SPAG16: variants seen among roughly 807,000 people sequenced by gnomAD.
The protein encoded by SPAG16 is sperm-associated antigen 16 protein.
SPAG16 carries 86 observed loss-of-function variants against 80.4 expected under a neutral mutation model. The ratio of observed to expected loss-of-function variants is 1.07; its 90% CI spans 0.90 to 1.28. The LOEUF is 1.28. SPAG16 is among the 50% of genes most tolerant of loss of function. SPAG16 has a pLI of 0.00. For missense variants in SPAG16, 870 were observed against 765.3 expected, an observed-to-expected ratio of 1.14 and a Z score of -1.61; for synonymous variants, 294 against 265.9, an observed-to-expected ratio of 1.11 and a Z score of -1.03.
chr2:213,932,174 A>T (rs1435371843), intron 12 of SPAG16, among the ~76,000 whole-genome samples: 22 of 23,076 alleles, frequency 9.5e-4, no homozygotes, highest in African/African-American at 1.5e-3. Flanking sequence ...ATATATATAT[A>T]TATATATATA....
intron 10 of SPAG16, among the ~76,000 whole-genome samples, chr2:213,827,230 C>G (rs2073358569): frequency 6.6e-6 from 1 of 151,646 alleles, no homozygotes; most frequent in South Asian, 2.1e-4. Context: ...TTTTTGTTGT[C>G]TAGTTGTTTC....
chr2:213,356,302 G>C (rs1226327038), intron 7 of SPAG16, among the ~76,000 whole-genome samples: 1 of 152,132 alleles, frequency 6.6e-6, no homozygotes, highest in Non-Finnish European at 1.5e-5. Context: ...CTATTGATTG[G>C]AATAGTTTCA....
At chr2:213,936,104 T>C (rs2078977456) in intron 12 of SPAG16, among the ~76,000 whole-genome samples, 1 of 152,062 alleles carries the variant, frequency 6.6e-6, no homozygotes, top group Non-Finnish European at 1.5e-5. Context: ...TTGGATAACC[T>C]GAATAAGGTG....
At chr2:213,397,793 G>A (rs1449238963) in intron 9 of SPAG16, among the ~76,000 whole-genome samples, 1 of 152,054 alleles carries the variant, frequency 6.6e-6, no homozygotes, top group East Asian at 1.9e-4. Flanking sequence ...ACCCTCTGTT[G>A]GTTGTCTTCA....
At chr2:213,390,086 A>G (rs1257806667) in intron 9 of SPAG16, among the ~76,000 whole-genome samples, 1 of 152,192 alleles carries the variant, frequency 6.6e-6, no homozygotes, top group Non-Finnish European at 1.5e-5. Context: ...ATTCCACAAC[A>G]TTGATGAAGC....
Position 214,004,114 on chromosome 2 carries a change from A to G in SPAG16, c.1401-9837A>G, listed in dbSNP as rs796575816. On this transcript the variant is annotated intron_variant, in intron 12 of 15. Coordinates refer to ENST00000331683, the MANE Select transcript of SPAG16 (RefSeq NM_024532.5). The stretch of plus-strand genomic sequence containing the variant: ...CCCATGCCTGTGTCTACAAATGAGC[A>G]AAAAGGGCTGTGAGTATAATTTGGG... 7.9e-5 allele frequency among the ~76,000 whole-genome samples: 12 copies of G among 152,326 alleles called. 1 individual carries two copies. The highest frequency in any genetic ancestry group is 2.9e-4 in the African/African-American group (12 of 41,584).
At chr2:213,955,801 T>G (rs2106335967) in intron 12 of SPAG16, among the ~76,000 whole-genome samples, 1 of 152,216 alleles carries the variant, frequency 6.6e-6, no homozygotes, top group Middle Eastern at 3.4e-3. Context: ...ACTACTTTTT[T>G]ATAATCATTG....
At chr2:213,925,800 G>A (rs2078443241) in intron 11 of SPAG16, among the ~76,000 whole-genome samples, 1 of 152,190 alleles carries the variant, frequency 6.6e-6, no homozygotes, top group African/African-American at 2.4e-5. Context: ...ATGAGTCATA[G>A]TGAAGATCAA....
intron 9 of SPAG16, among the ~76,000 whole-genome samples, chr2:213,380,086 A>G (rs997258590): frequency 6.6e-6 from 1 of 152,106 alleles, no homozygotes; most frequent in African/African-American, 2.4e-5. Flanking sequence ...CAATTTTCCA[A>G]TCGTGCTTCT....
chr2:213,780,727 T>C (rs1255616522), intron 10 of SPAG16, among the ~76,000 whole-genome samples: 1 of 152,194 alleles, frequency 6.6e-6, no homozygotes, highest in Non-Finnish European at 1.5e-5. Context: ...TGTTTCCTTC[T>C]TATTTTCCCA....
At chr2:213,387,937 A>C (rs2067535490) in intron 9 of SPAG16, among the ~76,000 whole-genome samples, 1 of 152,178 alleles carries the variant, frequency 6.6e-6, no homozygotes, top group South Asian at 2.1e-4. Context: ...AAGGTGGCAG[A>C]GTGGGAAGCA....
At chr2:213,775,583 A>AAT (rs2069523773) in intron 10 of SPAG16, among the ~76,000 whole-genome samples, 2 of 152,198 alleles carry the variant, frequency 1.3e-5, no homozygotes, top group South Asian at 4.1e-4. Context: ...GGACTTATTC[A>AAT]TCTTACATAA....
chr2:213,403,651 C>A (rs1013397866), intron 9 of SPAG16, among the ~76,000 whole-genome samples: 8 of 152,160 alleles, frequency 5.3e-5, no homozygotes, highest in Non-Finnish European at 1.2e-4. Flanking sequence ...GGGCACAAGA[C>A]AGGGATGCCC....
chr2:213,536,614 A>T (rs187280319), intron 10 of SPAG16, among the ~76,000 whole-genome samples: 5 of 152,150 alleles, frequency 3.3e-5, no homozygotes, highest in African/African-American at 4.8e-5. Context: ...TCTTTTGGCT[A>T]CATAAATGTC....
chr2:214,353,793 T>C (rs1298658500), intron 15 of SPAG16, among the ~76,000 whole-genome samples: 1 of 152,160 alleles, frequency 6.6e-6, no homozygotes, highest in African/African-American at 2.4e-5. Flanking sequence ...TTGCAATTAT[T>C]ATCACATGAA....
chr2:213,805,952 G>T (rs2071740952), intron 10 of SPAG16, among the ~76,000 whole-genome samples: 1 of 152,116 alleles, frequency 6.6e-6, no homozygotes, highest in Non-Finnish European at 1.5e-5. Flanking sequence ...CCTTTTAAAA[G>T]CTTACTTTAG....
At chr2:213,800,582 C>T (rs553912045) in intron 10 of SPAG16, among the ~76,000 whole-genome samples, 106 of 152,084 alleles carry the variant, frequency 7.0e-4, no homozygotes, top group African/African-American at 2.4e-3. Context: ...ACTAAGTTGC[C>T]GAGGCTGGCA....
chr2:213,337,256 CGAT>C, intron 5 of SPAG16, among the ~76,000 whole-genome samples: 1 of 152,132 alleles, frequency 6.6e-6, no homozygotes, highest in East Asian at 1.9e-4. Context: ...AAACTCATGA[CGAT>C]GAGAAAGAAT....
intron 15 of SPAG16, among the ~76,000 whole-genome samples, chr2:214,373,606 T>C (rs1372273055): frequency 6.6e-6 from 1 of 152,178 alleles, no homozygotes; most frequent in Non-Finnish European, 1.5e-5. Context: ...GACCCCAATC[T>C]ATCAGAACAA....
Sources: allele counts gnomAD v4.1 joint callset (sites outside exome capture counted in the v4.1 genomes callset), GRCh38; gene constraint gnomAD v4.1.1; transcripts MANE v1.5; gene names NCBI Gene and HGNC (gene_info 2026-07-23, HGNC 2026-07-21).